Variants in BAZ2A observed in about 807,000 individuals in gnomAD.
BAZ2A encodes bromodomain adjacent to zinc finger domain 2A, also known as bromodomain adjacent to zinc finger domain protein 2A.
Under a neutral mutation model 199.9 loss-of-function variants are expected in BAZ2A, and 34 were observed. That is an observed-to-expected ratio of 0.17 (90% CI 0.13 to 0.23). The LOEUF (loss-of-function observed/expected upper bound fraction) is 0.23, where lower values mean the gene tolerates loss of function less well. Ranked by LOEUF, BAZ2A falls within the 10% of genes least tolerant of loss-of-function variation. BAZ2A has a pLI of 1.00. For synonymous variants in BAZ2A, 857 were observed against 883.9 expected (o/e 0.97, Z 0.54); for missense variants, 2,002 against 2,391.1 (o/e 0.84, Z 3.39).
chr12:56,601,454 T>C, intron 20 of BAZ2A, 52 bp from the exon 21 acceptor site: 1 of 1,591,418 alleles, frequency 6.3e-7, no homozygotes, highest in South Asian at 1.1e-5. Context: ...TGTTTATAGG[T>C]TCCCTCAACT....
chr12:56,597,240 G>A lies in BAZ2A; in HGVS notation c.*1378C>T, dbSNP rs1885903771. ...TCCAGGGTCTCTGCTGCTGGGGAAG[G>A]GGTCCTGGGGTATGAAGTAAATGAA... On this transcript the variant is annotated 3_prime_UTR_variant, in exon 29 of 29. Transcript: ENST00000549884. The A allele has an allele frequency of 6.6e-6, 1 of 152,604 alleles. No homozygotes were observed. Among genetic ancestry groups the A allele is most frequent in the Non-Finnish European group, 1.5e-5 (1 of 68,134 alleles). 9.5% of individuals were successfully genotyped at this position (152,604 alleles called of 1,614,324 possible).
rs1950786159 is a variant in BAZ2A, at chr12:56,618,221, T to C, written c.-2-689A>G. 2.0e-5 allele frequency among the ~76,000 whole-genome samples: 3 copies of C among 152,186 alleles called. No homozygotes were observed. In the South Asian group the frequency reaches 6.2e-4, roughly 31 times the overall value. ...TCAGCAGTGGAAAATTGATTAAATA[T>C]GAGGGTATCCCAAAAAATATTATTC... is the stretch of plus-strand genomic sequence containing the variant. On this transcript the variant is annotated intron_variant, in intron 1 of 28. Transcript: ENST00000549884.
intron 1 of BAZ2A, among the ~76,000 whole-genome samples, chr12:56,627,825 CA>C (rs547754562): frequency 0.019 from 1,123 of 58,126 alleles, 1 homozygote; most frequent in Non-Finnish European, 0.028. Flanking sequence ...GACCCTGTCT[CA>C]AAAAAAAAAA....
At position 56,614,006 on chromosome 12, in the gene BAZ2A, T is replaced by C. The variant is rs1950638993; in HGVS notation, c.863A>G (p.Asp288Gly). The change falls in exon 4 of 29, where the codon GAC (aspartate) becomes GGC (glycine). Residue 288 changes from aspartate (D) to glycine (G), a missense_variant. This residue lies in a region of BAZ2A where 641 missense variants were observed against 694.5 expected (regional missense o/e 0.92). Coordinates refer to ENST00000549884, the MANE Select transcript of BAZ2A (RefSeq NM_001300905.2). ...AGAGTCTTCACTGAGGATTGGAGTG[T>C]CTTCCAGTTGATCAGGAAGATGTGA... ...DPSHLPDQLE[D>G]TPILSEDSLE... 6.2e-7 allele frequency: 1 copy of C among 1,614,036 alleles called. No individual in the cohort carries two copies. Among genetic ancestry groups the C allele is most frequent in the Admixed American group, 1.7e-5 (1 of 60,022 alleles).
At position 56,604,954 on chromosome 12, in the gene BAZ2A, T is replaced by G. The variant is rs931128935; in HGVS notation, c.2748+119A>C. 2.0e-5 allele frequency: 28 copies of G among 1,399,702 alleles called. No homozygotes were observed. In the African/African-American group the frequency reaches 3.8e-4, roughly 19 times the overall value. 86.7% of individuals were successfully genotyped at this position (1,399,702 alleles called of 1,614,324 possible). A position where few individuals can be genotyped will look rare whatever the true frequency, so the allele number is the denominator to read the frequency against. ...AAGAAAAGGAAAAAATAAAGAAAAA[T>G]AAAATAAGGAGAGGAGTCAGGAAGA... On this transcript the variant is annotated intron_variant, in intron 14 of 28. Transcript: ENST00000549884.
At chr12:56,604,425 C>T in intron 15 of BAZ2A, 134 bp from the exon 16 acceptor site, 1 of 1,299,682 alleles carries the variant, frequency 7.7e-7, no homozygotes, top group South Asian at 1.4e-5. Flanking sequence ...AAGGCTTAGG[C>T]TCTCCCAGGG....
At chr12:56,609,177 C>G (rs1950477104) in intron 10 of BAZ2A, among the ~76,000 whole-genome samples, 1 of 151,940 alleles carries the variant, frequency 6.6e-6, no homozygotes, top group Non-Finnish European at 1.5e-5. Context: ...TGTGCCCGGC[C>G]TATTATTTTT....
At position 56,625,875 on chromosome 12, in the gene BAZ2A, CAAAAAAAAAA is replaced by C. The variant is rs748737235; in HGVS notation, c.-3+4240_-3+4249del. 2.5e-4 allele frequency among the ~76,000 whole-genome samples: 14 copies of C among 55,304 alleles called. No individual in the cohort carries two copies. In the East Asian group the frequency reaches 3.8e-3, roughly 15 times the overall value. 36.3% of individuals were successfully genotyped at this position (55,304 alleles called of 152,430 possible). ...TGGGCGACACAGCGAAACTCCGTCTCAAAAAAAAAAAAAAAAAAAAAACAACAACAAAAAA... is the reference window on the plus strand; with the variant it reads ...TGGGCGACACAGCGAAACTCCGTCTCAAAAAAAAAAAACAACAACAAAAAA... On this transcript the variant is annotated intron_variant, in intron 1 of 28. Coordinates refer to ENST00000549884, the MANE Select transcript of BAZ2A (RefSeq NM_001300905.2).
chr12:56,625,161 T>TC (rs2137281441), intron 1 of BAZ2A, among the ~76,000 whole-genome samples: 1 of 147,198 alleles, frequency 6.8e-6, no homozygotes, highest in East Asian at 2.0e-4. Flanking sequence ...TTTCTTTTTT[T>TC]TTTTTTTTTT....
chr12:56,624,408 T>C (rs1951016638), intron 1 of BAZ2A, among the ~76,000 whole-genome samples: 1 of 152,192 alleles, frequency 6.6e-6, no homozygotes, highest in Admixed American at 6.5e-5. Context: ...TCTTCTACAT[T>C]ATGTCGGTTC....
intron 3 of BAZ2A, chr12:56,614,444 G>A: frequency 3.2e-6 from 1 of 309,014 alleles, no homozygotes; most frequent in East Asian, 6.0e-5. Flanking sequence ...ACAGAGTGGT[G>A]GTTACCCTTG....
rs758504170 is a variant in BAZ2A at position 56,606,237 on chromosome 12, A to G, written c.2259+10T>C. ...GAAATTATACTTGGCAAGTTTGTAC[A>G]TGCACCTACCTTGGATTTCTTCTTA... On this transcript the variant is annotated intron_variant, in intron 12 of 28. Transcript: ENST00000549884. The G allele has an allele frequency of 1.1e-4, 182 of 1,613,828 alleles. No homozygotes were observed. The highest frequency in any genetic ancestry group is 1.4e-4 in the Non-Finnish European group (169 of 1,179,840).
intron 1 of BAZ2A, among the ~76,000 whole-genome samples, chr12:56,624,881 C>A (rs1206257710): frequency 2.0e-5 from 3 of 152,048 alleles, no homozygotes; most frequent in African/African-American, 7.2e-5. Context: ...ATGATCACAC[C>A]ACCGTTTTCA....
At chr12:56,611,337 A>AT (rs1950551681) in intron 7 of BAZ2A, 1 of 574,758 alleles carries the variant, frequency 1.7e-6, no homozygotes, top group African/African-American at 1.9e-5. Flanking sequence ...CTTGGGCAAA[A>AT]TTGAGTCACT....
upstream of BAZ2A, among the ~76,000 whole-genome samples, chr12:56,637,081 G>A (rs952869268): frequency 1.3e-5 from 2 of 152,276 alleles, no homozygotes; most frequent in Non-Finnish European, 1.5e-5. Flanking sequence ...TCCTCCCCAG[G>A]ACAAAAGCCC....
upstream of BAZ2A, chr12:56,638,130 C>T: frequency 1.8e-6 from 1 of 549,904 alleles, no homozygotes; most frequent in East Asian, 3.0e-5. Flanking sequence ...AATACATAAC[C>T]CTTCAGTGTT....
In BAZ2A at chr12:56,599,833, G is replaced by T. The variant is rs745785227; in HGVS notation, c.5041C>A (p.Arg1681=). ...AGAAACTCATCATTGTCACCCTTCC[G>T]GCAGACTAGACATGTCTGGACCAAG... ...SVNKVTCLVC[R]KGDNDEFLLL... Residue 1681 remains arginine (R), a synonymous_variant, in exon 26 of 29, where the codon CGG becomes AGG. Transcript: ENST00000549884. The T allele has an allele frequency of 6.2e-7, 1 of 1,613,968 alleles. No homozygotes were observed. The highest frequency in any genetic ancestry group is 2.2e-5 in the East Asian group (1 of 44,876).
intron 1 of BAZ2A, among the ~76,000 whole-genome samples, chr12:56,628,489 A>G (rs1203920068): frequency 1.3e-5 from 2 of 152,170 alleles, no homozygotes; most frequent in African/African-American, 4.8e-5. Flanking sequence ...TATGATAACA[A>G]ACTGTACTAT....
rs776917592 is a variant in BAZ2A, at chr12:56,610,489, C to T, written c.1699G>A (p.Gly567Ser). The T allele has an allele frequency of 6.2e-6, 10 of 1,613,240 alleles. No individual in the cohort carries two copies. Among genetic ancestry groups the T allele is most frequent in the Non-Finnish European group, 8.5e-6 (10 of 1,179,670 alleles). The change falls in exon 8 of 29, where the codon GGC becomes AGC. Residue 567 changes from glycine to serine, a missense_variant. Coordinates refer to ENST00000549884, the MANE Select transcript of BAZ2A (RefSeq NM_001300905.2). ...GTCTCCCCCTGCCATCGGTGGCTGCCCTTCTTGATGCGCACCTCTCTCCGC... is the reference window on the plus strand; with the variant it reads ...GTCTCCCCCTGCCATCGGTGGCTGCTCTTCTTGATGCGCACCTCTCTCCGC... ...GWRREVRIKK[G>S]SHRWQGETWY...
Sources: allele counts gnomAD v4.1 joint callset (sites outside exome capture counted in the v4.1 genomes callset), GRCh38; gene constraint gnomAD v4.1.1; regional missense constraint gnomAD v4.1.1; transcripts MANE v1.5; gene names NCBI Gene and HGNC (gene_info 2026-07-23, HGNC 2026-07-21).